Variants in SPATA9 observed in about 807,000 individuals in gnomAD.
SPATA9 encodes the protein spermatogenesis associated 9.
In SPATA9, 27 loss-of-function variants were observed where a neutral mutation model predicts 25.5. The ratio of observed to expected loss-of-function variants is 1.06; its 90% confidence interval spans 0.78 to 1.46. SPATA9 has a LOEUF of 1.46. SPATA9 is among the 40% of genes most tolerant of loss of function. SPATA9 has a pLI of 0.00. For synonymous variants in SPATA9, 102 were observed against 105.7 expected, an observed-to-expected ratio of 0.97 and a Z score of 0.21; for missense variants, 282 against 297.5, an observed-to-expected ratio of 0.95 and a Z score of 0.38.
the SPATA9 span, among the ~76,000 whole-genome samples, chr5:95,721,229 G>A: frequency 3.1e-3 from 472 of 152,294 alleles, 3 homozygotes; most frequent in African/African-American, 6.8e-3. Flanking sequence ...CTAACTTAGT[G>A]GAGAAGTTTG....
At chr5:95,661,257 G>C (rs559146391) in intron 4 of SPATA9, among the ~76,000 whole-genome samples, 3 of 151,970 alleles carry the variant, frequency 2.0e-5, no homozygotes, top group African/African-American at 7.2e-5. Flanking sequence ...CTCCCAAATG[G>C]ATTCTTTTTT....
At chr5:95,730,358 A>T in the SPATA9 span, among the ~76,000 whole-genome samples, 1 of 152,230 alleles carries the variant, frequency 6.6e-6, no homozygotes, top group East Asian at 1.9e-4. Flanking sequence ...ACTGGTTAGA[A>T]TTTTAATACT....
chr5:95,731,076 C>A, the SPATA9 span: 1 of 1,085,244 alleles, frequency 9.2e-7, no homozygotes, highest in Non-Finnish European at 1.1e-6. Flanking sequence ...AAACTTGCTG[C>A]AGGCGGATTG....
intron 2 of SPATA9, among the ~76,000 whole-genome samples, chr5:95,678,883 T>C (rs1753179645): frequency 6.6e-6 from 1 of 152,208 alleles, no homozygotes; most frequent in Non-Finnish European, 1.5e-5. Flanking sequence ...CTTGCCAATC[T>C]CAGCAACACA....
At chr5:95,730,223 T>G in the SPATA9 span, among the ~76,000 whole-genome samples, 1 of 152,172 alleles carries the variant, frequency 6.6e-6, no homozygotes, top group African/African-American at 2.4e-5. Flanking sequence ...ACTGCCCTAC[T>G]CAATACCCCC....
upstream of SPATA9, among the ~76,000 whole-genome samples, chr5:95,703,151 A>C (rs1246268938): frequency 6.6e-6 from 1 of 152,258 alleles, no homozygotes; most frequent in Non-Finnish European, 1.5e-5. Flanking sequence ...TCCTCACTTC[A>C]TATGGAATTT....
Position 95,658,888 on chromosome 5 carries a change from T to G in SPATA9, c.500A>C (p.Lys167Thr). 6.2e-7 allele frequency: 1 copy of G among 1,613,418 alleles called. No homozygotes were observed. Among genetic ancestry groups the G allele is most frequent in the South Asian group, 1.1e-5 (1 of 91,014 alleles). ...YLAVCVNAVL[K>T]KVKNIFQEEE... ...TTCCTGGAAGATGTTCTTTACCTTC[T>G]TCAGCACAGCATTAACACAGACTGC... The change falls in exon 5 of 5, where the codon AAG (lysine) becomes ACG (threonine). Residue 167 changes from lysine to threonine, a missense_variant. Physicochemically the swap from Lys to Thr is moderately conservative, Grantham distance 78 (BLOSUM62 -1). Coordinates refer to ENST00000274432, the MANE Select transcript of SPATA9 (RefSeq NM_031952.4).
At chr5:95,715,115 G>A in the SPATA9 span, among the ~76,000 whole-genome samples, 3 of 152,098 alleles carry the variant, frequency 2.0e-5, no homozygotes, top group East Asian at 1.9e-4. Flanking sequence ...CACGAGGTCA[G>A]GAGATCAAGA....
intron 3 of SPATA9, among the ~76,000 whole-genome samples, chr5:95,672,766 A>T (rs946973097): frequency 1.3e-5 from 2 of 152,194 alleles, no homozygotes; most frequent in Admixed American, 6.5e-5. Context: ...AGTCAAAGTA[A>T]AAAGGCAAAC....
At chr5:95,705,426 T>G in the SPATA9 span, among the ~76,000 whole-genome samples, 1 of 152,222 alleles carries the variant, frequency 6.6e-6, no homozygotes, top group Non-Finnish European at 1.5e-5. Context: ...AATAATTCCA[T>G]GTTACTAGCA....
At chr5:95,709,989 G>A in the SPATA9 span, among the ~76,000 whole-genome samples, 1 of 152,188 alleles carries the variant, frequency 6.6e-6, no homozygotes, top group Non-Finnish European at 1.5e-5. Context: ...TACATGCACA[G>A]TAGCAAAGGT....
intron 3 of SPATA9, among the ~76,000 whole-genome samples, chr5:95,666,116 A>G (rs964963206): frequency 4.7e-5 from 7 of 149,486 alleles, no homozygotes; most frequent in African/African-American, 1.7e-4. Flanking sequence ...TGAAGTTGGT[A>G]TTATTATTAT....
At position 95,675,399 on chromosome 5, in the gene SPATA9, AGTATTCCCT is replaced by A. The variant is rs773629042; in HGVS notation, c.378+4_378+12del. 6.3e-7 allele frequency: 1 copy of A among 1,597,346 alleles called. No homozygotes were observed. Among genetic ancestry groups the A allele is most frequent in the Non-Finnish European group, 8.5e-7 (1 of 1,171,450 alleles). ...TAAAAAAGGGGAATTGTGCATATGC[AGTATTCCCT>A]TACCTGAATGTTATATAGGGGTTGC... On this transcript the variant is annotated splice_donor_5th_base_variant and intron_variant, in intron 3 of 4. Transcript: ENST00000274432.
At chr5:95,731,495 C>A in the SPATA9 span, 2 of 1,244,076 alleles carry the variant, frequency 1.6e-6, no homozygotes, top group Non-Finnish European at 2.0e-6. Flanking sequence ...CCGCCCTGGT[C>A]CCCGGCTCGC....
chr5:95,692,049 T>C lies in SPATA9; in HGVS notation n.124+6539A>G, dbSNP rs142525916. The stretch of plus-strand genomic sequence containing the variant: ...TTTGGAAAAAAGAATTTGTATTTGA[T>C]TACATTTGTATTTGATATCTTGCTA... On this transcript the variant is annotated intron_variant and non_coding_transcript_variant, in intron 1 of 2. Transcript: ENST00000379990. Among the ~76,000 whole-genome samples the C allele has an allele frequency of 3.3e-3, 502 of 152,278 alleles. 3 individuals carry two copies. Among genetic ancestry groups the C allele is most frequent in the Admixed American group, 8.1e-3 (124 of 15,304 alleles).
the SPATA9 span, among the ~76,000 whole-genome samples, chr5:95,709,113 G>T: frequency 6.6e-6 from 1 of 152,152 alleles, no homozygotes; most frequent in Non-Finnish European, 1.5e-5. Context: ...CCAAGCAGGA[G>T]TGAGTCCTTC....
upstream of SPATA9, among the ~76,000 whole-genome samples, chr5:95,703,459 C>A (rs1272267104): frequency 6.6e-6 from 1 of 152,046 alleles, no homozygotes; most frequent in Non-Finnish European, 1.5e-5. Flanking sequence ...AATGGTGAAA[C>A]CTTGTCTACA....
At chr5:95,710,815 CT>C in the SPATA9 span, among the ~76,000 whole-genome samples, 1 of 152,222 alleles carries the variant, frequency 6.6e-6, no homozygotes, top group African/African-American at 2.4e-5. Flanking sequence ...GCCTTTTCAG[CT>C]GCCTGTGTTG....
rs1753587537 is a variant in SPATA9 at position 95,682,915 on chromosome 5, C to T, written c.-61G>A. On this transcript the variant is annotated 5_prime_UTR_variant, in exon 1 of 5. Transcript: ENST00000274432. ...GCTTGCAGGCCTGGGTAATGCTTGTCCTAGTCTGCCATTAGTGAAAGATGA... is the reference window on the plus strand; with the variant it reads ...GCTTGCAGGCCTGGGTAATGCTTGTTCTAGTCTGCCATTAGTGAAAGATGA... 1.4e-6 allele frequency: 2 copies of T among 1,438,298 alleles called. No individual in the cohort carries two copies. The highest frequency in any genetic ancestry group is 2.9e-5 in the African/African-American group (2 of 69,740). The allele number at this position is 1,438,298 out of a possible 1,614,324, so 89.1% of individuals were successfully genotyped here. A position where few individuals can be genotyped will look rare whatever the true frequency, so the allele number is the denominator to read the frequency against.
Sources: allele counts gnomAD v4.1 joint callset (sites outside exome capture counted in the v4.1 genomes callset), GRCh38; gene constraint gnomAD v4.1.1; transcripts MANE v1.5; gene names NCBI Gene and HGNC (gene_info 2026-07-23, HGNC 2026-07-21).